NAALADL2: variants seen among roughly 807,000 people sequenced by gnomAD.
NAALADL2 encodes the protein N-acetylated alpha-linked acidic dipeptidase like 2.
Under a neutral mutation model 87.2 loss-of-function variants are expected in NAALADL2, and 76 were observed. The observed-to-expected ratio is 0.87, with a 90% CI of 0.72 to 1.05. The LOEUF (loss-of-function observed/expected upper bound fraction) is 1.05. NAALADL2 is among the 50% of genes least tolerant of loss of function. NAALADL2 has a pLI of 0.00. For missense variants in NAALADL2, 1,089 were observed against 945.8 expected, an observed-to-expected ratio of 1.15 and a Z score of -1.99; for synonymous variants, 354 against 331.0, an observed-to-expected ratio of 1.07 and a Z score of -0.75.
chr3:174,882,538 TAC>T (rs1038318758), intron 1 of NAALADL2, among the ~76,000 whole-genome samples: 47 of 150,772 alleles, frequency 3.1e-4, no homozygotes, highest in Admixed American at 9.2e-4. Flanking sequence ...CATATATGCA[TAC>T]ACACATATGT....
chr3:175,457,182 A>T (rs1722440700), intron 6 of NAALADL2, among the ~76,000 whole-genome samples: 1 of 151,922 alleles, frequency 6.6e-6, no homozygotes. Flanking sequence ...CCTACATCAA[A>T]TGTTCTACCT....
intron 1 of NAALADL2, among the ~76,000 whole-genome samples, chr3:175,072,087 A>G (rs1306892714): frequency 6.6e-6 from 1 of 152,092 alleles, no homozygotes; most frequent in African/African-American, 2.4e-5. Context: ...AACCCACAAC[A>G]TCAAAATAAG....
intron 9 of NAALADL2, among the ~76,000 whole-genome samples, chr3:175,563,933 G>T (rs1716692050): frequency 6.6e-6 from 1 of 152,144 alleles, no homozygotes; most frequent in Non-Finnish European, 1.5e-5. Context: ...AAGCTATCCT[G>T]AGGATAGCAG....
At chr3:175,300,740 G>T (rs1220041058) in intron 4 of NAALADL2, among the ~76,000 whole-genome samples, 3 of 145,516 alleles carry the variant, frequency 2.1e-5, no homozygotes, top group Non-Finnish European at 4.5e-5. Context: ...CCATCTCCTG[G>T]ATTTATTTAT....
intron 2 of NAALADL2, among the ~76,000 whole-genome samples, chr3:174,703,648 C>A (rs1289124546): frequency 6.6e-6 from 1 of 152,056 alleles, no homozygotes; most frequent in Non-Finnish European, 1.5e-5. Context: ...ATGGTCTGAA[C>A]ATTTTTTAAT....
At chr3:175,310,203 T>C (rs2110294901) in intron 4 of NAALADL2, among the ~76,000 whole-genome samples, 1 of 152,330 alleles carries the variant, frequency 6.6e-6, no homozygotes, top group Admixed American at 6.5e-5. Context: ...GAATTACATA[T>C]AAACATTTAT....
intron 2 of NAALADL2, among the ~76,000 whole-genome samples, chr3:174,562,506 C>T (rs1352499238): frequency 6.6e-6 from 1 of 151,964 alleles, no homozygotes; most frequent in Non-Finnish European, 1.5e-5. Context: ...GTAAGATATC[C>T]AGACTACGGT....
At chr3:174,613,707 T>C (rs1202207301) in intron 2 of NAALADL2, among the ~76,000 whole-genome samples, 4 of 152,162 alleles carry the variant, frequency 2.6e-5, no homozygotes, top group African/African-American at 9.7e-5. Context: ...CCAGGGCAGG[T>C]TCCCAAATGC....
At chr3:175,130,649 C>T (rs1229684618) in intron 2 of NAALADL2, among the ~76,000 whole-genome samples, 2 of 152,164 alleles carry the variant, frequency 1.3e-5, no homozygotes, top group Non-Finnish European at 2.9e-5. Context: ...ATTAGTTGAA[C>T]ACCAGGAGGC....
intron 1 of NAALADL2, among the ~76,000 whole-genome samples, chr3:174,915,362 A>T (rs1331214901): frequency 6.6e-6 from 1 of 152,072 alleles, no homozygotes; most frequent in African/African-American, 2.4e-5. Flanking sequence ...AGACATACTG[A>T]AGTTGCTGTC....
chr3:175,531,220 C>T (rs1003647709), intron 9 of NAALADL2, among the ~76,000 whole-genome samples: 1 of 152,140 alleles, frequency 6.6e-6, no homozygotes, highest in Non-Finnish European at 1.5e-5. Flanking sequence ...GAATAACACA[C>T]CGAGATGAGG....
chr3:175,381,864 G>A (rs1179686653), intron 5 of NAALADL2, among the ~76,000 whole-genome samples: 2 of 152,182 alleles, frequency 1.3e-5, no homozygotes, highest in Non-Finnish European at 2.9e-5. Context: ...GGTAGTGGCA[G>A]CAGCGGGCCT....
chr3:174,665,670 C>T (rs549356846), intron 2 of NAALADL2, among the ~76,000 whole-genome samples: 47 of 152,226 alleles, frequency 3.1e-4, no homozygotes, highest in African/African-American at 1.0e-3. Context: ...TATATGCACA[C>T]GTGTGTTTTG....
At chr3:174,530,106 A>C (rs1721106843) in intron 1 of NAALADL2, among the ~76,000 whole-genome samples, 1 of 152,072 alleles carries the variant, frequency 6.6e-6, no homozygotes, top group Non-Finnish European at 1.5e-5. Flanking sequence ...CTCTTTTAAA[A>C]CAGAATGCCT....
At chr3:175,167,236 C>T (rs753450400) in intron 2 of NAALADL2, among the ~76,000 whole-genome samples, 2 of 151,964 alleles carry the variant, frequency 1.3e-5, no homozygotes, top group Non-Finnish European at 2.9e-5. Flanking sequence ...AAATAATAAG[C>T]GTGAGGGTGT....
chr3:174,779,416 C>T (rs1432000975), intron 3 of NAALADL2, among the ~76,000 whole-genome samples: 1 of 152,066 alleles, frequency 6.6e-6, no homozygotes, highest in East Asian at 1.9e-4. Flanking sequence ...TTCTCCCATT[C>T]TGTAGATTGC....
At chr3:174,924,771 G>A (rs1735744347) in intron 1 of NAALADL2, among the ~76,000 whole-genome samples, 1 of 152,118 alleles carries the variant, frequency 6.6e-6, no homozygotes, top group Non-Finnish European at 1.5e-5. Flanking sequence ...GTGTGAGATG[G>A]TATCTCATTG....
intron 2 of NAALADL2, among the ~76,000 whole-genome samples, chr3:175,153,239 G>A (rs1731812542): frequency 2.0e-5 from 3 of 152,234 alleles, no homozygotes; most frequent in South Asian, 4.1e-4. Context: ...CCAAATGGAG[G>A]GAGAGATAAA....
In NAALADL2 at chr3:175,173,313, T is replaced by TA. The variant is rs1309550737; in HGVS notation, c.546-60615dup. Among the ~76,000 whole-genome samples the TA allele has an allele frequency of 6.7e-3, 342 of 51,380 alleles. 2 individuals carry two copies. Among genetic ancestry groups the TA allele is most frequent in the African/African-American group, 0.018 (283 of 15,838 alleles). The allele number at this position is 51,380 out of a possible 152,430, so 33.7% of individuals were successfully genotyped here. A position where few individuals can be genotyped will look rare whatever the true frequency, so the allele number is the denominator to read the frequency against. ...TTTCAAAATAAATAAATAAATAAAA[T>TA]AAATAAATAAATAAATAAATAAATA... On this transcript the variant is annotated intron_variant, in intron 2 of 13. Transcript: ENST00000454872.
Sources: allele counts gnomAD v4.1 joint callset (sites outside exome capture counted in the v4.1 genomes callset), GRCh38; gene constraint gnomAD v4.1.1; transcripts MANE v1.5; gene names NCBI Gene and HGNC (gene_info 2026-07-23, HGNC 2026-07-21).